The following ERICH3 variants were observed in gnomAD, a reference collection of about 807,000 sequenced individuals.
The protein encoded by ERICH3 is glutamate-rich protein 3.
In ERICH3, 126 loss-of-function variants were observed where a neutral mutation model predicts 131.1. That is an observed-to-expected ratio of 0.96 (90% CI 0.83 to 1.11). ERICH3 has a LOEUF of 1.11. Ranked by LOEUF, ERICH3 falls within the 50% of genes most tolerant of loss-of-function variation. The probability of loss-of-function intolerance (pLI) is 0.00; values close to 1 mark genes in which losing one functional copy is unlikely to be tolerated. For synonymous variants in ERICH3, 695 were observed against 644.6 expected (o/e 1.08, Z -1.18); for missense variants, 2,050 against 1,810.7 (o/e 1.13, Z -2.40).
rs1303034474 is a variant in ERICH3, at chr1:74,599,804, G to T, written c.1617C>A (p.Asp539Glu). 1.2e-6 allele frequency: 2 copies of T among 1,612,202 alleles called. No homozygotes were observed. The highest frequency in any genetic ancestry group is 2.2e-5 in the South Asian group (2 of 91,024). Residue 539 changes from aspartate to glutamate, a missense_variant, in exon 11 of 15, where the codon GAC becomes GAA. Asp to Glu is a conservative substitution (Grantham distance 45, BLOSUM62 2). Coordinates refer to ENST00000326665, the MANE Select transcript of ERICH3 (RefSeq NM_001002912.5). ...SPLDDKKDNL[D>E]PEKESETSSQ... ...ATGAGGTTTCACTCTCTTTTTCAGG[G>T]TCTAAATTATCTTTTTTATCATCCA...
At chr1:74,648,028 G>A (rs1646500385) in intron 2 of ERICH3, among the ~76,000 whole-genome samples, 1 of 152,014 alleles carries the variant, frequency 6.6e-6, no homozygotes, top group Non-Finnish European at 1.5e-5. Flanking sequence ...AAACTGATAG[G>A]TCCCTTAGCA....
intron 8 of ERICH3, among the ~76,000 whole-genome samples, chr1:74,613,941 C>G (rs576271948): frequency 7.9e-5 from 12 of 152,342 alleles, no homozygotes; most frequent in African/African-American, 2.4e-4. Context: ...ATTTTCACCT[C>G]TCTACTATGT....
chr1:74,626,181 G>A (rs1170002932), intron 7 of ERICH3: 1 of 151,984 alleles, frequency 6.6e-6, no homozygotes, highest in African/African-American at 2.4e-5. Flanking sequence ...ATTTCTATTG[G>A]ACATCTCTGA....
In ERICH3 at chr1:74,596,963, G is replaced by A. The variant is rs1314839088; in HGVS notation, c.1726+2732C>T. On this transcript the variant is annotated intron_variant, in intron 11 of 14. Coordinates refer to ENST00000326665, the MANE Select transcript of ERICH3 (RefSeq NM_001002912.5). ...GACTTGTCACAAGAGTGACAGCCTG[G>A]GCAATTGTTTGCCCTCTGGGAACAG... Among the ~76,000 whole-genome samples the A allele has an allele frequency of 2.0e-5, 3 of 152,010 alleles. No individual in the cohort carries two copies. In the East Asian group the frequency reaches 5.8e-4, roughly 29 times the overall value.
intron 1 of ERICH3, among the ~76,000 whole-genome samples, chr1:74,668,203 T>C (rs1240947360): frequency 6.6e-6 from 1 of 152,188 alleles, no homozygotes; most frequent in East Asian, 1.9e-4. Context: ...ATTGCTCAAG[T>C]TTGCTTTGTA....
intron 2 of ERICH3, among the ~76,000 whole-genome samples, chr1:74,647,183 A>G (rs1333587592): frequency 6.6e-6 from 1 of 151,982 alleles, no homozygotes; most frequent in Non-Finnish European, 1.5e-5. Flanking sequence ...CACAGTAACA[A>G]TTTTCCCTTG....
intron 11 of ERICH3, among the ~76,000 whole-genome samples, chr1:74,591,623 C>A (rs1450354172): frequency 2.6e-5 from 4 of 152,100 alleles, no homozygotes; most frequent in African/African-American, 9.7e-5. Context: ...GCTACAGATT[C>A]GCAGTCTAGA....
Position 74,673,499 on chromosome 1 carries a change from A to G in ERICH3, c.21T>C (p.Ala7=), listed in dbSNP as rs1037914948. Residue 7 remains alanine, a splice_region_variant and synonymous_variant, in exon 1 of 15, where the codon GCT becomes GCC. Coordinates refer to ENST00000326665, the MANE Select transcript of ERICH3 (RefSeq NM_001002912.5). MSHSHP[A]GLLAAYNSLM... ...GAAAAGCTCCAGTTGTCACTTACCCAGCGGGGTGAGAATGGCTCATTTTTG... is the reference window on the plus strand; with the variant it reads ...GAAAAGCTCCAGTTGTCACTTACCCGGCGGGGTGAGAATGGCTCATTTTTG... 4 of 1,612,990 alleles carry G rather than the reference A, an allele frequency of 2.5e-6. No individual in the cohort carries two copies. The highest frequency in any genetic ancestry group is 1.3e-5 in the African/African-American group (1 of 74,968).
chr1:74,568,327 GT>G lies in ERICH3; in HGVS notation c.*2130del, dbSNP rs1195728176. ...TTGATGGAGTGTGTTAAATATAAAA[GT>G]AATCCAATGCAATACTATTTAGCAC... On this transcript the variant is annotated 3_prime_UTR_variant, in exon 15 of 15. Coordinates refer to ENST00000326665, the MANE Select transcript of ERICH3 (RefSeq NM_001002912.5). 1 of 152,090 alleles carries G rather than the reference GT, an allele frequency of 6.6e-6. No homozygotes were observed. Among genetic ancestry groups the G allele is most frequent in the Admixed American group, 6.5e-5 (1 of 15,268 alleles). The allele number at this position is 152,090 out of a possible 1,614,324, so 9.4% of individuals were successfully genotyped here.
chr1:74,590,197 C>T (rs572535982), intron 11 of ERICH3, 117 bp from the exon 12 acceptor site: 2 of 889,148 alleles, frequency 2.2e-6, no homozygotes, highest in African/African-American at 1.7e-5. Flanking sequence ...TTAATATAGA[C>T]CTGATATCCT....
At chr1:74,592,043 A>G (rs1442313405) in intron 11 of ERICH3, 1 of 152,114 alleles carries the variant, frequency 6.6e-6, no homozygotes, top group Admixed American at 6.6e-5. Flanking sequence ...TCTCCATGAC[A>G]GGTCTTAGCA....
intron 10 of ERICH3, among the ~76,000 whole-genome samples, chr1:74,603,155 GC>G (rs1352621780): frequency 6.6e-6 from 1 of 151,822 alleles, no homozygotes; most frequent in Admixed American, 6.6e-5. Context: ...TGGTTATTGT[GC>G]CCCCTATCCA....
rs745375989 is a variant in ERICH3, at chr1:74,646,754, A to G, written c.156T>C (p.Tyr52=). ...GATCCCGCTTCATCATATTTAGTTT[A>G]TATTCTTTTTCAGAAAGTATTCTTC... The part of the protein sequence containing the change: ...RSGRILSEKE[Y]KLNMMKRDHQ... The change falls in exon 3 of 15, where the codon TAT becomes TAC. Residue 52 remains tyrosine (Y), a synonymous_variant. Transcript: ENST00000326665. The G allele has an allele frequency of 4.7e-6, 7 of 1,501,174 alleles. No individual in the cohort carries two copies. In the Admixed American group the frequency reaches 1.1e-4, roughly 25 times the overall value. The allele number at this position is 1,501,174 out of a possible 1,614,324, so 93.0% of individuals were successfully genotyped here.
chr1:74,584,113 C>CA (rs1647232756), intron 12 of ERICH3, among the ~76,000 whole-genome samples: 1 of 152,168 alleles, frequency 6.6e-6, no homozygotes, highest in African/African-American at 2.4e-5. Flanking sequence ...CTCACCATGA[C>CA]AAAATTCATG....
intron 8 of ERICH3, among the ~76,000 whole-genome samples, chr1:74,619,681 A>G (rs1649128432): frequency 6.6e-6 from 1 of 152,210 alleles, no homozygotes; most frequent in African/African-American, 2.4e-5. Context: ...ACAAAACAAA[A>G]GGAATGAACT....
At position 74,583,803 on chromosome 1, in the gene ERICH3, A is replaced by G. The variant is rs146919879; in HGVS notation, c.2176+5828T>C. On this transcript the variant is annotated intron_variant, in intron 12 of 14. Transcript: ENST00000326665. ...CAAAATACAAATGCTCTAATTTGGT[A>G]TACGTTACATCTTTTACATTTCCTA... is the stretch of plus-strand genomic sequence containing the variant. Among the ~76,000 whole-genome samples the G allele has an allele frequency of 1.7e-3, 256 of 152,280 alleles. 3 individuals are homozygous for G. The highest frequency in any genetic ancestry group is 1.0e-3 in the South Asian group (5 of 4,828).
chr1:74,634,577 T>G (rs1646370694), intron 6 of ERICH3: 1 of 668,998 alleles, frequency 1.5e-6, no homozygotes, highest in Admixed American at 2.4e-5. Flanking sequence ...AAATAATACC[T>G]GATTGATGGT....
intron 1 of ERICH3, among the ~76,000 whole-genome samples, chr1:74,657,480 T>A (rs1320432997): frequency 6.6e-6 from 1 of 152,200 alleles, no homozygotes; most frequent in African/African-American, 2.4e-5. Context: ...ACTGATATCA[T>A]ATAAATGATT....
At chr1:74,612,541 T>C in intron 9 of ERICH3, 82 bp downstream of exon 9, 1 of 1,248,664 alleles carries the variant, frequency 8.0e-7, no homozygotes. Context: ...TTAATAATTG[T>C]GAAGAGAAAT....
Sources: gnomAD v4.1 joint callset for allele counts (sites outside exome capture counted in the v4.1 genomes callset) on GRCh38, gnomAD v4.1.1 for gene constraint, MANE v1.5 for transcripts, NCBI Gene and HGNC (gene_info 2026-07-23, HGNC 2026-07-21) for gene names.